PDE12: variants seen among roughly 807,000 people sequenced by gnomAD.
The protein encoded by PDE12 is 2',5'-phosphodiesterase 12.
Under a neutral mutation model 45.4 loss-of-function variants are expected in PDE12, and 26 were observed. The observed-to-expected ratio is 0.57, with a 90% CI of 0.42 to 0.79. PDE12 has a LOEUF of 0.79. Ranked by LOEUF, PDE12 falls within the 30% of genes least tolerant of loss-of-function variation. The pLI is 0.00. For missense variants in PDE12, 668 were observed against 790.0 expected (o/e 0.85, Z 1.85); for synonymous variants, 283 against 323.9 (o/e 0.87, Z 1.36).
chr3:57,556,616 T>C lies in PDE12; in HGVS notation c.237T>C (p.Ala79=). 6.2e-7 allele frequency: 1 copy of C among 1,611,840 alleles called. No homozygotes were observed. The highest frequency in any genetic ancestry group is 1.7e-4 in the Middle Eastern group (1 of 6,056). Reference sequence around the variant, plus strand: ...TGGGTCGAGTCCTCAGCCGCATCGCTACCAATGCCCTAAAGGGTCACGCTA... The same window carrying C: ...TGGGTCGAGTCCTCAGCCGCATCGCCACCAATGCCCTAAAGGGTCACGCTA... ...EPLGRVLSRI[A]TNALKGHAKA... The change falls in exon 1 of 3, where the codon GCT becomes GCC. Residue 79 remains alanine (A), a synonymous_variant. Transcript: ENST00000311180. The surrounding 1 kb of genome is among the most constrained non-coding windows in gnomAD (Gnocchi z 5.0).
chr3:57,640,600 T>C, the PDE12 span, among the ~76,000 whole-genome samples: 1 of 152,134 alleles, frequency 6.6e-6, no homozygotes, highest in East Asian at 1.9e-4. Context: ...ATGTAGTACA[T>C]TATAAAGTTA....
the PDE12 span, among the ~76,000 whole-genome samples, chr3:57,611,885 G>A: frequency 6.6e-6 from 1 of 152,140 alleles, no homozygotes. Flanking sequence ...CCATTACTGG[G>A]TATATACCCA....
chr3:57,617,702 AG>A, the PDE12 span, among the ~76,000 whole-genome samples: 6 of 152,044 alleles, frequency 3.9e-5, no homozygotes, highest in Admixed American at 1.3e-4. Context: ...ATCTCTACAA[AG>A]AAATTTTTTT....
chr3:57,651,407 G>C, the PDE12 span, among the ~76,000 whole-genome samples: 51 of 152,270 alleles, frequency 3.3e-4, no homozygotes, highest in East Asian at 8.1e-3. Context: ...AAGGAAGACA[G>C]ACACAAAAGG....
the PDE12 span, among the ~76,000 whole-genome samples, chr3:57,572,727 C>CCCT: frequency 6.6e-6 from 1 of 152,056 alleles, no homozygotes; most frequent in African/African-American, 2.4e-5. Context: ...AGATTTTCCC[C>CCCT]CCTCATTCAG....
At chr3:57,593,067 C>G in the PDE12 span, among the ~76,000 whole-genome samples, 2 of 151,976 alleles carry the variant, frequency 1.3e-5, no homozygotes, top group Non-Finnish European at 2.9e-5. Context: ...ATTAGCCGGG[C>G]ATAGTGGCGC....
chr3:57,612,495 C>T, the PDE12 span, among the ~76,000 whole-genome samples: 1 of 151,914 alleles, frequency 6.6e-6, no homozygotes, highest in African/African-American at 2.4e-5. Flanking sequence ...AAAAATATTC[C>T]ATTATGGTGG....
the PDE12 span, among the ~76,000 whole-genome samples, chr3:57,584,894 C>T: frequency 4.6e-5 from 7 of 152,192 alleles, no homozygotes; most frequent in East Asian, 1.9e-4. Context: ...GACGTATTCT[C>T]GCTCTGTTGT....
chr3:57,631,345 C>T, the PDE12 span, among the ~76,000 whole-genome samples: 10 of 151,820 alleles, frequency 6.6e-5, no homozygotes, highest in African/African-American at 1.2e-4. Context: ...TACAGGCGTG[C>T]GCCACCACGC....
At chr3:57,639,374 C>T in the PDE12 span, among the ~76,000 whole-genome samples, 1 of 152,162 alleles carries the variant, frequency 6.6e-6, no homozygotes, top group Non-Finnish European at 1.5e-5. Flanking sequence ...ACAGATTTAT[C>T]AATTCATGCT....
the PDE12 span, among the ~76,000 whole-genome samples, chr3:57,603,340 A>T: frequency 6.6e-6 from 1 of 151,614 alleles, no homozygotes; most frequent in African/African-American, 2.4e-5. Context: ...TTTATTTTTT[A>T]TTTATTTATT....
chr3:57,602,329 T>C, the PDE12 span, among the ~76,000 whole-genome samples: 1 of 152,200 alleles, frequency 6.6e-6, no homozygotes, highest in African/African-American at 2.4e-5. Context: ...CTCATCTGAC[T>C]GTAATTCACC....
the PDE12 span, among the ~76,000 whole-genome samples, chr3:57,579,607 GT>G: frequency 1.3e-5 from 2 of 152,036 alleles, no homozygotes; most frequent in African/African-American, 4.8e-5. Context: ...ATCATTTTCT[GT>G]TTACCTCTCA....
At chr3:57,572,053 A>T in the PDE12 span, 2 of 591,084 alleles carry the variant, frequency 3.4e-6, no homozygotes, top group African/African-American at 3.7e-5. Context: ...AAATAGCAAC[A>T]TTATACTCGG....
the PDE12 span, among the ~76,000 whole-genome samples, chr3:57,581,301 C>G: frequency 2.6e-5 from 4 of 152,162 alleles, no homozygotes; most frequent in Non-Finnish European, 5.9e-5. Context: ...CTTTCCCCAG[C>G]TAGCATGAAC....
the PDE12 span, among the ~76,000 whole-genome samples, chr3:57,637,922 T>G: frequency 6.6e-5 from 10 of 151,618 alleles, no homozygotes; most frequent in African/African-American, 2.4e-4. Flanking sequence ...GATCACGAGG[T>G]CAGGAATTCG....
chr3:57,628,005 A>G, the PDE12 span: 4 of 567,448 alleles, frequency 7.0e-6, no homozygotes, highest in Non-Finnish European at 1.1e-5. Context: ...GTGTTTCAGT[A>G]TTAAAGTGGA....
chr3:57,570,394 T>G (rs1233634469), downstream of PDE12, among the ~76,000 whole-genome samples: 1 of 93,696 alleles, frequency 1.1e-5, no homozygotes, highest in African/African-American at 5.3e-5. Flanking sequence ...TTTTTTTTTG[T>G]ATTTTTAGTA....
At chr3:57,586,097 G>A in the PDE12 span, among the ~76,000 whole-genome samples, 1 of 152,200 alleles carries the variant, frequency 6.6e-6, no homozygotes, top group South Asian at 2.1e-4. Context: ...TTAAATGCTT[G>A]TAAGTATGAA....
Sources: gnomAD v4.1 joint callset for allele counts (sites outside exome capture counted in the v4.1 genomes callset) on GRCh38, gnomAD v4.1.1 for gene constraint, Gnocchi (gnomAD v3.1) non-coding constraint, MANE v1.5 for transcripts, NCBI Gene and HGNC (gene_info 2026-07-23, HGNC 2026-07-21) for gene names.